Variants in CEP112 observed in about 807,000 individuals in gnomAD.
The protein encoded by CEP112 is centrosomal protein 112, also known as centrosomal protein of 112 kDa.
CEP112 carries 127 observed loss-of-function variants against 153.0 expected under a neutral mutation model. The observed-to-expected ratio is 0.83, with a 90% CI of 0.72 to 0.96. CEP112 has a LOEUF of 0.96. CEP112 is among the 40% of genes least tolerant of loss of function. CEP112 has a pLI of 0.00. For missense variants in CEP112, 1,089 were observed against 1,101.2 expected (o/e 0.99, Z 0.16); for synonymous variants, 358 against 374.4 (o/e 0.96, Z 0.51).
intron 26 of CEP112, 149 bp downstream of exon 26, chr17:65,636,975 T>G (rs2044805958): frequency 1.6e-6 from 1 of 635,986 alleles, no homozygotes; most frequent in African/African-American, 1.8e-5. Flanking sequence ...GGTGACTTCT[T>G]AAAGACATGC....
intron 19 of CEP112, among the ~76,000 whole-genome samples, chr17:65,914,321 C>G (rs2060394905): frequency 6.6e-6 from 1 of 150,942 alleles, no homozygotes; most frequent in Non-Finnish European, 1.5e-5. Flanking sequence ...AGTTTGCCAG[C>G]TACAGTTCGT....
At chr17:66,078,257 CTTTTTCTTTT>C (rs1212193879) in intron 8 of CEP112, among the ~76,000 whole-genome samples, 13 of 50,738 alleles carry the variant, frequency 2.6e-4, no homozygotes, top group East Asian at 6.9e-3. Context: ...CTTTTCTTTT[CTTTTTCTTTT>C]TTTTTTTTTT....
intron 12 of CEP112, among the ~76,000 whole-genome samples, chr17:66,033,508 A>C (rs1174446073): frequency 2.6e-5 from 4 of 152,154 alleles, no homozygotes; most frequent in Non-Finnish European, 1.5e-5. Context: ...CCAGCCATAC[A>C]GGCCTCCATG....
At chr17:65,791,191 C>T (rs2054572202) in intron 21 of CEP112, among the ~76,000 whole-genome samples, 1 of 151,996 alleles carries the variant, frequency 6.6e-6, no homozygotes, top group African/African-American at 2.4e-5. Flanking sequence ...AAAAATAAAA[C>T]AAGAAACCAA....
At chr17:66,096,906 T>C (rs2068370456) in intron 6 of CEP112, among the ~76,000 whole-genome samples, 1 of 152,110 alleles carries the variant, frequency 6.6e-6, no homozygotes, top group Admixed American at 6.5e-5. Context: ...TCACTTCACA[T>C]TTTATGCTCC....
chr17:65,855,776 G>T, intron 20 of CEP112, among the ~76,000 whole-genome samples: 1 of 152,280 alleles, frequency 6.6e-6, no homozygotes, highest in Middle Eastern at 3.4e-3. Flanking sequence ...TTTTAAGTGC[G>T]TAATAGGCCG....
intron 16 of CEP112, among the ~76,000 whole-genome samples, chr17:66,019,608 T>G (rs1227474667): frequency 6.6e-6 from 1 of 152,232 alleles, no homozygotes; most frequent in Non-Finnish European, 1.5e-5. Context: ...ATATGAACAA[T>G]GATGGCTATT....
intron 18 of CEP112, among the ~76,000 whole-genome samples, chr17:65,937,703 A>G (rs1352063596): frequency 1.1e-5 from 1 of 89,018 alleles, no homozygotes; most frequent in African/African-American, 4.0e-5. Flanking sequence ...GGAAGTGAGG[A>G]GCCCCCCGCC....
At chr17:65,744,429 G>A (rs1420508114) in intron 22 of CEP112, among the ~76,000 whole-genome samples, 1 of 152,042 alleles carries the variant, frequency 6.6e-6, no homozygotes, top group Non-Finnish European at 1.5e-5. Context: ...TGTATTTTTA[G>A]TAGAGACGAG....
intron 24 of CEP112, among the ~76,000 whole-genome samples, chr17:65,668,594 T>C (rs1311926131): frequency 6.6e-6 from 1 of 152,192 alleles, no homozygotes; most frequent in Non-Finnish European, 1.5e-5. Context: ...GGAAGCAACA[T>C]TCCTGTGATC....
intron 21 of CEP112, among the ~76,000 whole-genome samples, chr17:65,755,878 T>C (rs984253633): frequency 3.3e-5 from 5 of 152,168 alleles, no homozygotes; most frequent in Non-Finnish European, 5.9e-5. Flanking sequence ...TATTCAAGTC[T>C]TGAGTTTATG....
intron 17 of CEP112, among the ~76,000 whole-genome samples, chr17:65,989,635 A>G (rs1321493922): frequency 1.3e-5 from 2 of 152,178 alleles, no homozygotes; most frequent in African/African-American, 2.4e-5. Context: ...TTTCCATTAG[A>G]AAGAAAAAAA....
chr17:65,778,596 A>T (rs2053821507), intron 21 of CEP112, among the ~76,000 whole-genome samples: 1 of 151,924 alleles, frequency 6.6e-6, no homozygotes, highest in South Asian at 2.1e-4. Flanking sequence ...TTAATGAATT[A>T]ATTAAAAAAA....
chr17:65,823,944 A>C (rs2056716849), intron 21 of CEP112, among the ~76,000 whole-genome samples: 1 of 152,148 alleles, frequency 6.6e-6, no homozygotes, highest in Non-Finnish European at 1.5e-5. Flanking sequence ...AACATTATTA[A>C]CTCCACAATA....
chr17:65,810,245 C>A (rs547976973), intron 21 of CEP112, among the ~76,000 whole-genome samples: 8 of 152,266 alleles, frequency 5.3e-5, no homozygotes, highest in African/African-American at 1.9e-4. Flanking sequence ...TGGATTGCAA[C>A]AGAGCATTTA....
intron 19 of CEP112, among the ~76,000 whole-genome samples, chr17:65,909,492 T>C (rs1306566606): frequency 6.6e-6 from 1 of 152,314 alleles, no homozygotes; most frequent in East Asian, 1.9e-4. Flanking sequence ...ATGTTAATCT[T>C]AATCTAAAAA....
intron 24 of CEP112, among the ~76,000 whole-genome samples, chr17:65,658,628 G>C (rs2046184428): frequency 6.6e-6 from 1 of 152,096 alleles, no homozygotes; most frequent in South Asian, 2.1e-4. Flanking sequence ...TATGCGAGTA[G>C]AGCTCAGGAG....
intron 25 of CEP112, 76 bp downstream of exon 25, chr17:65,640,888 G>T: frequency 1.2e-6 from 1 of 809,664 alleles, no homozygotes; most frequent in South Asian, 1.5e-5. Flanking sequence ...CAACAATTTG[G>T]AATCAGATTT....
intron 8 of CEP112, among the ~76,000 whole-genome samples, chr17:66,093,022 T>C (rs1051210456): frequency 3.9e-5 from 6 of 152,088 alleles, no homozygotes; most frequent in Admixed American, 2.6e-4. Context: ...GCCAGAGTAT[T>C]ACACAAGGGA....
Sources: allele counts gnomAD v4.1 joint callset (sites outside exome capture counted in the v4.1 genomes callset), GRCh38; gene constraint gnomAD v4.1.1; transcripts MANE v1.5; gene names NCBI Gene and HGNC (gene_info 2026-07-23, HGNC 2026-07-21).